TMEFF2: variants seen among roughly 807,000 people sequenced by gnomAD.
TMEFF2 encodes tomoregulin-2.
Under a neutral mutation model 53.8 loss-of-function variants are expected in TMEFF2, and 28 were observed. The observed-to-expected ratio is 0.52, with a 90% CI of 0.39 to 0.71. TMEFF2 has a LOEUF of 0.71. TMEFF2 is among the 30% of genes least tolerant of loss of function. The pLI is 0.00. For synonymous variants in TMEFF2, 162 were observed against 166.3 expected, an observed-to-expected ratio of 0.97 and a Z score of 0.20; for missense variants, 353 against 455.2, an observed-to-expected ratio of 0.78 and a Z score of 2.04.
intron 7 of TMEFF2, among the ~76,000 whole-genome samples, chr2:191,964,422 T>TTC (rs1190810194): frequency 7.9e-6 from 1 of 126,496 alleles, no homozygotes; most frequent in African/African-American, 3.0e-5. Context: ...CTTTCTTTCT[T>TTC]TCTTTCTTTC....
intron 4 of TMEFF2, among the ~76,000 whole-genome samples, chr2:192,090,674 T>C (rs770105120): frequency 6.6e-6 from 1 of 152,142 alleles, no homozygotes; most frequent in African/African-American, 2.4e-5. Flanking sequence ...AATTTGCCCA[T>C]TGTATTCAGG....
At chr2:192,150,695 GTT>G (rs11375610) in intron 4 of TMEFF2, among the ~76,000 whole-genome samples, 3 of 143,682 alleles carry the variant, frequency 2.1e-5, no homozygotes, top group Non-Finnish European at 1.5e-5. Context: ...GACACTTCAT[GTT>G]TTTTTTTTTT....
chr2:192,051,489 T>A (rs1687770023), intron 5 of TMEFF2, among the ~76,000 whole-genome samples: 1 of 152,168 alleles, frequency 6.6e-6, no homozygotes, highest in African/African-American at 2.4e-5. Context: ...TTAAATACAA[T>A]CTTTTTGTTC....
intron 4 of TMEFF2, among the ~76,000 whole-genome samples, chr2:192,128,011 G>A (rs1472093617): frequency 1.3e-5 from 2 of 152,112 alleles, no homozygotes. Context: ...ATTCTACTGT[G>A]CAAGGTAGTG....
intron 7 of TMEFF2, among the ~76,000 whole-genome samples, chr2:191,983,441 C>G (rs544387672): frequency 7.4e-5 from 11 of 148,644 alleles, no homozygotes; most frequent in African/African-American, 2.7e-4. Context: ...CTTTGTTACT[C>G]CAAGGAATGT....
intron 4 of TMEFF2, among the ~76,000 whole-genome samples, chr2:192,087,058 T>C (rs1325299322): frequency 6.7e-6 from 1 of 150,354 alleles, no homozygotes; most frequent in Non-Finnish European, 1.5e-5. Context: ...TTGTAAATAT[T>C]GATTTATATA....
chr2:192,072,210 T>C (rs1267259668), intron 4 of TMEFF2, among the ~76,000 whole-genome samples: 3 of 151,942 alleles, frequency 2.0e-5, no homozygotes, highest in Non-Finnish European at 4.4e-5. Flanking sequence ...ACTTTTTCTA[T>C]AGAGCTAATA....
chr2:192,022,805 A>G (rs1269220167), intron 5 of TMEFF2, among the ~76,000 whole-genome samples: 1 of 152,116 alleles, frequency 6.6e-6, no homozygotes, highest in East Asian at 1.9e-4. Context: ...GTTTATCAAT[A>G]ATAATAATAC....
At chr2:192,027,206 T>A (rs1248909544) in intron 5 of TMEFF2, among the ~76,000 whole-genome samples, 1 of 152,208 alleles carries the variant, frequency 6.6e-6, no homozygotes. Flanking sequence ...ACAGTCTTAA[T>A]CTTGCAATAT....
Position 192,046,346 on chromosome 2 carries a change from G to A in TMEFF2, c.536+11333C>T, listed in dbSNP as rs904918763. On this transcript the variant is annotated intron_variant, in intron 5 of 9. Coordinates refer to ENST00000272771, the MANE Select transcript of TMEFF2 (RefSeq NM_016192.4). ...GCCGCTGCACTTCAGCCTGGGTGACGGAGCGAGACACTGTCTCAAAGAAAA... is the reference window on the plus strand; with the variant it reads ...GCCGCTGCACTTCAGCCTGGGTGACAGAGCGAGACACTGTCTCAAAGAAAA... Among the ~76,000 whole-genome samples the A allele has an allele frequency of 2.0e-5, 3 of 151,978 alleles. No individual in the cohort carries two copies. The East Asian group carries it at 5.8e-4, about 29-fold the overall frequency.
rs574169681 is a variant in TMEFF2 at position 192,178,280 on chromosome 2, C to A, written c.439+1388G>T. 4.6e-5 allele frequency: 7 copies of A among 150,686 alleles called. No homozygotes were observed. In the East Asian group the frequency reaches 1.4e-3, roughly 29 times the overall value. 9.3% of individuals were successfully genotyped at this position (150,686 alleles called of 1,614,324 possible). A position where few individuals can be genotyped will look rare whatever the true frequency, so the allele number is the denominator to read the frequency against. ...TAATAATATTCCCATGGTAAAACAT[C>A]TACTAAAGGAACTGCCTTTTTTCCT... On this transcript the variant is annotated intron_variant, in intron 4 of 9. Transcript: ENST00000272771.
intron 4 of TMEFF2, among the ~76,000 whole-genome samples, chr2:192,089,962 TTC>T (rs1312203388): frequency 6.6e-6 from 1 of 152,202 alleles, no homozygotes; most frequent in East Asian, 1.9e-4. Context: ...ATGACTTCTC[TTC>T]TCTTTTCTTG....
chr2:192,151,521 T>G (rs540073803), intron 4 of TMEFF2, among the ~76,000 whole-genome samples: 2 of 151,974 alleles, frequency 1.3e-5, no homozygotes, highest in South Asian at 4.2e-4. Context: ...AAGGGAAAAT[T>G]GGGAAAGACG....
intron 5 of TMEFF2, among the ~76,000 whole-genome samples, chr2:192,001,467 CAG>C (rs1686357176): frequency 1.3e-5 from 2 of 151,850 alleles, no homozygotes; most frequent in Admixed American, 6.6e-5. Flanking sequence ...TATATATAGA[CAG>C]AAAGTAATTG....
intron 4 of TMEFF2, among the ~76,000 whole-genome samples, chr2:192,148,309 T>C (rs1244866044): frequency 6.6e-6 from 1 of 151,976 alleles, no homozygotes; most frequent in Non-Finnish European, 1.5e-5. Flanking sequence ...ATCTGAAAGG[T>C]TTCATATTTT....
chr2:191,987,896 A>T (rs1322380993), intron 7 of TMEFF2, among the ~76,000 whole-genome samples: 1 of 152,198 alleles, frequency 6.6e-6, no homozygotes, highest in Non-Finnish European at 1.5e-5. Context: ...AATGAACTAA[A>T]ATGAGCCTAT....
At chr2:192,103,588 A>C (rs370068258) in intron 4 of TMEFF2, among the ~76,000 whole-genome samples, 1 of 152,054 alleles carries the variant, frequency 6.6e-6, no homozygotes, top group African/African-American at 2.4e-5. Flanking sequence ...CTGACTCAGT[A>C]TCTAATTCTT....
intron 5 of TMEFF2, among the ~76,000 whole-genome samples, chr2:192,026,409 T>C (rs534207516): frequency 1.3e-5 from 2 of 152,318 alleles, no homozygotes; most frequent in Non-Finnish European, 2.9e-5. Context: ...CACATTAATA[T>C]TTGATGCGCA....
At chr2:192,104,224 C>T (rs190997525) in intron 4 of TMEFF2, among the ~76,000 whole-genome samples, 1 of 152,180 alleles carries the variant, frequency 6.6e-6, no homozygotes, top group Non-Finnish European at 1.5e-5. Flanking sequence ...GATTTGCTGA[C>T]AGAAGTAGCG....
Sources: gnomAD v4.1 joint callset for allele counts (sites outside exome capture counted in the v4.1 genomes callset) on GRCh38, gnomAD v4.1.1 for gene constraint, MANE v1.5 for transcripts, NCBI Gene and HGNC (gene_info 2026-07-23, HGNC 2026-07-21) for gene names.